CCND3: variants seen among roughly 807,000 people sequenced by gnomAD.
The protein encoded by CCND3 is G1/S-specific cyclin-D3.
Under a neutral mutation model 28.7 loss-of-function variants are expected in CCND3, and 9 were observed. That is an observed-to-expected ratio of 0.31 (90% CI 0.19 to 0.55). The LOEUF (loss-of-function observed/expected upper bound fraction) is 0.55. Ranked by LOEUF, CCND3 falls within the 20% of genes least tolerant of loss-of-function variation. The probability of loss-of-function intolerance (pLI) is 0.93; values close to 1 mark genes in which losing one functional copy is unlikely to be tolerated. For synonymous variants in CCND3, 164 were observed against 163.9 expected (o/e 1.00, Z 0.00); for missense variants, 315 against 385.8 (o/e 0.82, Z 1.54).
Position 41,988,699 on chromosome 6 carries a change from C to CTT in CCND3, c.-45-48116_-45-48115dup, listed in dbSNP as rs758582662. The stretch of plus-strand genomic sequence containing the variant: ...ATAATTGATAAGCTGAACTTCTTTT[C>CTT]TTTTTTTTTTTTTTTTTGAGACGGA... On this transcript the variant is annotated intron_variant, in intron 1 of 4. Transcript: ENST00000372988. 1.2e-3 allele frequency among the ~76,000 whole-genome samples: 115 copies of CTT among 96,706 alleles called. 5 individuals are homozygous for CTT. The highest frequency in any genetic ancestry group is 2.1e-3 in the African/African-American group (62 of 29,790). The allele number at this position is 96,706 out of a possible 152,430, so 63.4% of individuals were successfully genotyped here. A position where few individuals can be genotyped will look rare whatever the true frequency, so the allele number is the denominator to read the frequency against.
At chr6:42,010,313 G>A (rs1438102928) in intron 1 of CCND3, among the ~76,000 whole-genome samples, 3 of 151,642 alleles carry the variant, frequency 2.0e-5, no homozygotes, top group African/African-American at 7.3e-5. Context: ...TTCCCTTAAC[G>A]GTGTCCCCTG....
chr6:42,012,582 C>T (rs1316867630), intron 1 of CCND3, among the ~76,000 whole-genome samples: 1 of 151,992 alleles, frequency 6.6e-6, no homozygotes, highest in African/African-American at 2.4e-5. Context: ...GCCTGGGAGA[C>T]AGAGTGAGAC....
At chr6:42,002,578 C>T (rs1207583820) in intron 1 of CCND3, among the ~76,000 whole-genome samples, 8 of 152,044 alleles carry the variant, frequency 5.3e-5, no homozygotes, top group Admixed American at 1.3e-4. Context: ...GAGGGCTGGG[C>T]GTGGTGGCTC....
chr6:41,935,501 A>G lies in CCND3; in HGVS notation c.*439T>C, dbSNP rs181262833. ...AGACTATTCCCCCTCATATGTGTCT[A>G]TCATGCATTAAATTTTAGAGGGACC... On this transcript the variant is annotated 3_prime_UTR_variant, in exon 5 of 5. Coordinates refer to ENST00000372991, the MANE Select transcript of CCND3 (RefSeq NM_001760.5). 1.8e-3 allele frequency: 547 copies of G among 305,822 alleles called. 5 individuals are homozygous for G. The highest frequency in any genetic ancestry group is 0.011 in the African/African-American group (508 of 47,940). The allele number at this position is 305,822 out of a possible 1,614,324, so 18.9% of individuals were successfully genotyped here. A position where few individuals can be genotyped will look rare whatever the true frequency, so the allele number is the denominator to read the frequency against.
chr6:41,999,196 A>G (rs1157863446), intron 1 of CCND3, among the ~76,000 whole-genome samples: 1 of 141,528 alleles, frequency 7.1e-6, no homozygotes, highest in Non-Finnish European at 1.5e-5. Flanking sequence ...AGCCTAGGCA[A>G]TAAGAGCAAA....
intron 1 of CCND3, among the ~76,000 whole-genome samples, chr6:42,041,435 T>C (rs778112383): frequency 3.9e-5 from 6 of 152,220 alleles, no homozygotes; most frequent in Admixed American, 1.3e-4. Flanking sequence ...AAAACTAGCA[T>C]GTTCTATGCC....
upstream of CCND3, among the ~76,000 whole-genome samples, chr6:41,946,226 T>C (rs991610927): frequency 5.3e-5 from 8 of 152,184 alleles, no homozygotes; most frequent in Admixed American, 3.9e-4. Flanking sequence ...TGGGTTGATT[T>C]GTTTAAAATA....
At chr6:41,942,807 C>A (rs926360900), upstream of CCND3, among the ~76,000 whole-genome samples, 1 of 152,028 alleles carries the variant, frequency 6.6e-6, no homozygotes, top group Non-Finnish European at 1.5e-5. Context: ...GGATCCCTGC[C>A]CTACTGGGGT....
chr6:42,030,527 G>A (rs1400059437), intron 1 of CCND3, among the ~76,000 whole-genome samples: 9 of 152,098 alleles, frequency 5.9e-5, no homozygotes, highest in Admixed American at 3.9e-4. Flanking sequence ...GGCTCCTGGA[G>A]GGCAAGGCCC....
At chr6:41,973,711 CTG>C (rs1762094452) in intron 1 of CCND3, among the ~76,000 whole-genome samples, 1 of 152,210 alleles carries the variant, frequency 6.6e-6, no homozygotes, top group Admixed American at 6.5e-5. Flanking sequence ...CCTGATTTCA[CTG>C]TCAGATTTTC....
At chr6:41,979,386 T>G (rs1762270849) in intron 1 of CCND3, among the ~76,000 whole-genome samples, 1 of 150,808 alleles carries the variant, frequency 6.6e-6, no homozygotes, top group African/African-American at 2.4e-5. Flanking sequence ...TACAAAACAT[T>G]AGTCTGGTGT....
At chr6:41,963,614 TC>T (rs1015906457) in intron 1 of CCND3, among the ~76,000 whole-genome samples, 1 of 152,174 alleles carries the variant, frequency 6.6e-6, no homozygotes, top group African/African-American at 2.4e-5. Context: ...CAAACTCCAA[TC>T]AGAGGGGGAG....
chr6:41,946,321 G>A (rs1561955742), upstream of CCND3, among the ~76,000 whole-genome samples: 1 of 151,998 alleles, frequency 6.6e-6, no homozygotes, highest in Non-Finnish European at 1.5e-5. Flanking sequence ...AGTTGGCCGG[G>A]CACGGTGGCT....
chr6:41,937,019 C>T, intron 3 of CCND3: 3 of 617,158 alleles, frequency 4.9e-6, no homozygotes, highest in South Asian at 3.9e-5. Context: ...AGTCACTTCT[C>T]TCTATACCCT....
intron 1 of CCND3, among the ~76,000 whole-genome samples, chr6:41,950,737 C>T (rs1184250019): frequency 2.1e-5 from 3 of 141,240 alleles, no homozygotes; most frequent in Admixed American, 7.5e-5. Context: ...GAGATGGAGT[C>T]TCTCTCTGTC....
intron 1 of CCND3, among the ~76,000 whole-genome samples, chr6:41,950,983 C>G (rs1281271337): frequency 6.6e-6 from 1 of 151,950 alleles, no homozygotes; most frequent in African/African-American, 2.4e-5. Flanking sequence ...GCTGGGATTA[C>G]AGGCGTGAGC....
At chr6:41,965,616 C>A (rs1259051724) in intron 1 of CCND3, among the ~76,000 whole-genome samples, 1 of 151,976 alleles carries the variant, frequency 6.6e-6, no homozygotes, top group South Asian at 2.1e-4. Context: ...GGTGGAGAAA[C>A]GGAAGGAAAC....
chr6:42,001,037 A>G (rs76156194), intron 1 of CCND3, among the ~76,000 whole-genome samples: 1 of 151,214 alleles, frequency 6.6e-6, no homozygotes, highest in Non-Finnish European at 1.5e-5. Flanking sequence ...GAAGTTCAAG[A>G]CCAGCCTGGC....
At chr6:41,956,032 G>A (rs751738248) in intron 1 of CCND3, among the ~76,000 whole-genome samples, 27 of 152,148 alleles carry the variant, frequency 1.8e-4, no homozygotes, top group Non-Finnish European at 3.1e-4. Flanking sequence ...GGTGGCTCAC[G>A]CCTATAATCC....
Sources: allele counts gnomAD v4.1 joint callset (sites outside exome capture counted in the v4.1 genomes callset), GRCh38; gene constraint gnomAD v4.1.1; transcripts MANE v1.5; gene names NCBI Gene and HGNC (gene_info 2026-07-23, HGNC 2026-07-21).